KAZN: variants seen among roughly 807,000 people sequenced by gnomAD.
KAZN encodes kazrin.
A neutral mutation model predicts 87.4 loss-of-function variants in KAZN; 40 were observed. That is an observed-to-expected ratio of 0.46 (90% confidence interval 0.36 to 0.60). The LOEUF is 0.60. KAZN is among the 20% of genes least tolerant of loss of function. The pLI, the probability that KAZN is intolerant of heterozygous loss-of-function variation, is 0.00. For synonymous variants in KAZN, 466 were observed against 458.3 expected (o/e 1.02, Z -0.22); for missense variants, 898 against 1,073.9 (o/e 0.84, Z 2.29).
intron 2 of KAZN, among the ~76,000 whole-genome samples, chr1:14,509,685 C>T (rs1418041158): frequency 4.6e-5 from 7 of 152,148 alleles, no homozygotes; most frequent in African/African-American, 1.7e-4. Flanking sequence ...CAGCAGTAAA[C>T]AAGACAGACA....
At position 15,077,575 on chromosome 1, in the gene KAZN, G is replaced by A. The variant is rs902298451; in HGVS notation, c.1222+11822G>A. Among the ~76,000 whole-genome samples the A allele has an allele frequency of 3.9e-5, 6 of 152,230 alleles. No individual in the cohort carries two copies. Among genetic ancestry groups the A allele is most frequent in the Non-Finnish European group, 8.8e-5 (6 of 68,048 alleles). ...ACCGCTCCTCCGCAAGGGCTACACA[G>A]GACCAGGTCAGCTGCTTGCAGCCAC... is the stretch of plus-strand genomic sequence containing the variant. On this transcript the variant is annotated intron_variant, in intron 8 of 14. Coordinates refer to ENST00000376030, the MANE Select transcript of KAZN (RefSeq NM_201628.3). This position sits in a 1 kb window ranked among gnomAD's most constrained non-coding sequence, Gnocchi z 4.8.
At chr1:14,951,905 G>T (rs1248439130) in intron 1 of KAZN, among the ~76,000 whole-genome samples, 1 of 152,168 alleles carries the variant, frequency 6.6e-6, no homozygotes, top group East Asian at 1.9e-4. Flanking sequence ...TAGCAAGAGT[G>T]GTGGCCAAGG....
chr1:14,138,866 T>A (rs1469552390), intron 1 of KAZN, among the ~76,000 whole-genome samples: 2 of 33,046 alleles, frequency 6.1e-5, no homozygotes, highest in Non-Finnish European at 9.4e-5. Flanking sequence ...GCATGGCTCT[T>A]CCAACACTAA....
chr1:14,542,833 A>T (rs576558148), intron 2 of KAZN, among the ~76,000 whole-genome samples: 1 of 152,208 alleles, frequency 6.6e-6, no homozygotes, highest in Non-Finnish European at 1.5e-5. Flanking sequence ...GCAAAGTGAC[A>T]TGTTGCTTAA....
chr1:14,801,372 C>G (rs528731213), intron 1 of KAZN, among the ~76,000 whole-genome samples: 1 of 152,126 alleles, frequency 6.6e-6, no homozygotes, highest in Non-Finnish European at 1.5e-5. Context: ...AGGGGTGGCA[C>G]GCACAGGTGA....
At chr1:14,854,196 G>A (rs1649800898) in intron 1 of KAZN, among the ~76,000 whole-genome samples, 1 of 152,178 alleles carries the variant, frequency 6.6e-6, no homozygotes, top group South Asian at 2.1e-4. Context: ...GCACAGAGAA[G>A]AAAAGGGACT....
In KAZN at chr1:14,586,525, G is replaced by GTTT. The variant is rs371736294; in HGVS notation, c.250-12440_250-12438dup. 8.3e-4 allele frequency among the ~76,000 whole-genome samples: 104 copies of GTTT among 125,214 alleles called. 1 individual carries two copies. Among genetic ancestry groups the GTTT allele is most frequent in the South Asian group, 3.9e-3 (15 of 3,802 alleles). The allele number at this position is 125,214 out of a possible 152,430, so 82.1% of individuals were successfully genotyped here. A position where few individuals can be genotyped will look rare whatever the true frequency, so the allele number is the denominator to read the frequency against. ...CTAAGCATGAACTTTTTTCTTTCTG[G>GTTT]TTTTTTTTTTTTTTTTTTTTAGAGA... On this transcript the variant is annotated intron_variant, in intron 2 of 16. Transcript: ENST00000636203.
intron 2 of KAZN, among the ~76,000 whole-genome samples, chr1:14,190,866 A>C (rs1646407606): frequency 6.6e-6 from 1 of 152,180 alleles, no homozygotes; most frequent in African/African-American, 2.4e-5. Context: ...CACACTTATA[A>C]GAAATAATAA....
intron 8 of KAZN, among the ~76,000 whole-genome samples, chr1:15,080,709 G>A (rs1042775657): frequency 6.6e-6 from 1 of 152,244 alleles, no homozygotes; most frequent in Non-Finnish European, 1.5e-5. Context: ...GGAGCTACAT[G>A]TGCTGATGGA....
At chr1:14,933,800 ACC>A (rs558721136) in intron 1 of KAZN, among the ~76,000 whole-genome samples, 8 of 150,506 alleles carry the variant, frequency 5.3e-5, no homozygotes, top group Non-Finnish European at 1.0e-4. Flanking sequence ...GTGCCACCAC[ACC>A]CAGCAGCATC....
intron 1 of KAZN, among the ~76,000 whole-genome samples, chr1:14,087,307 C>T (rs1476620774): frequency 3.3e-5 from 5 of 152,054 alleles, no homozygotes; most frequent in Non-Finnish European, 7.4e-5. Context: ...TGTATAGTGA[C>T]CTTTTATCTT....
intron 2 of KAZN, among the ~76,000 whole-genome samples, chr1:14,344,064 C>T (rs544714760): frequency 3.9e-5 from 6 of 152,240 alleles, no homozygotes; most frequent in African/African-American, 1.4e-4. Flanking sequence ...CTTCATTCTC[C>T]CCTTGATGCC....
At chr1:14,354,540 TAAAG>T (rs1658830861) in intron 2 of KAZN, among the ~76,000 whole-genome samples, 2 of 152,150 alleles carry the variant, frequency 1.3e-5, no homozygotes, top group Non-Finnish European at 2.9e-5. Context: ...GTATAAATGA[TAAAG>T]AAGAACATAA....
At chr1:15,064,642 T>C (rs1470800737) in intron 7 of KAZN, among the ~76,000 whole-genome samples, 3 of 152,210 alleles carry the variant, frequency 2.0e-5, no homozygotes, top group African/African-American at 4.8e-5. Flanking sequence ...GGTAGAGTCA[T>C]GATCAGAAAT....
chr1:14,941,575 G>T (rs1178043516), intron 1 of KAZN, among the ~76,000 whole-genome samples: 8 of 152,064 alleles, frequency 5.3e-5, no homozygotes. Flanking sequence ...GGGTGGGGAG[G>T]TTCCGGTTTT....
chr1:14,510,429 A>C (rs922230030), intron 2 of KAZN, among the ~76,000 whole-genome samples: 12 of 152,196 alleles, frequency 7.9e-5, no homozygotes, highest in Admixed American at 6.5e-4. Flanking sequence ...GTCAGCAACA[A>C]AATCTTTTTT....
intron 2 of KAZN, among the ~76,000 whole-genome samples, chr1:14,267,368 A>AG (rs1056814981): frequency 6.6e-6 from 1 of 151,654 alleles, no homozygotes; most frequent in African/African-American, 2.4e-5. Flanking sequence ...GCAAAAAAAA[A>AG]AAAAAAAAAA....
intron 1 of KAZN, among the ~76,000 whole-genome samples, chr1:14,955,468 G>A (rs1572912765): frequency 1.3e-5 from 2 of 152,230 alleles, no homozygotes; most frequent in South Asian, 4.1e-4. Flanking sequence ...TGGGGGATGC[G>A]AGACCTGGGC....
chr1:14,574,374 C>T (rs187461132), intron 2 of KAZN, among the ~76,000 whole-genome samples: 40 of 152,322 alleles, frequency 2.6e-4, no homozygotes, highest in African/African-American at 9.1e-4. Flanking sequence ...TGAATTGTAG[C>T]TCCCATAATT....
Sources: allele counts gnomAD v4.1 joint callset (sites outside exome capture counted in the v4.1 genomes callset), GRCh38; gene constraint gnomAD v4.1.1; non-coding constraint Gnocchi (gnomAD v3.1); transcripts MANE v1.5; gene names NCBI Gene and HGNC (gene_info 2026-07-23, HGNC 2026-07-21).